SUMF1: variants seen among roughly 807,000 people sequenced by gnomAD.
The protein encoded by SUMF1 is sulfatase modifying factor 1.
In SUMF1, 48 loss-of-function variants were observed where a neutral mutation model predicts 47.6. The observed-to-expected ratio is 1.01, with a 90% CI of 0.80 to 1.28. The LOEUF (loss-of-function observed/expected upper bound fraction) is 1.28, where lower values mean the gene tolerates loss of function less well. Ranked by LOEUF, SUMF1 falls within the 50% of genes most tolerant of loss-of-function variation. The pLI, the probability that SUMF1 is intolerant of heterozygous loss-of-function variation, is 0.00. For synonymous variants in SUMF1, 230 were observed against 192.1 expected (o/e 1.20, Z -1.63); for missense variants, 571 against 485.4 (o/e 1.18, Z -1.66).
At chr3:4,420,175 T>C (rs780319336) in intron 3 of SUMF1, 29 bp from the exon 4 acceptor site, 2 of 1,582,472 alleles carry the variant, frequency 1.3e-6, no homozygotes, top group Non-Finnish European at 1.7e-6. Flanking sequence ...AGGCTGATGT[T>C]AGCTACTAAC....
At chr3:4,221,045 A>G (rs1202439246) in intron 8 of SUMF1, among the ~76,000 whole-genome samples, 2 of 152,154 alleles carry the variant, frequency 1.3e-5, no homozygotes, top group Admixed American at 6.6e-5. Context: ...GTCCAGTGCA[A>G]CTAGGTAAGG....
At chr3:4,204,927 G>A (rs1160238065) in intron 8 of SUMF1, among the ~76,000 whole-genome samples, 1 of 151,934 alleles carries the variant, frequency 6.6e-6, no homozygotes, top group African/African-American at 2.4e-5. Context: ...CCTCAAAACA[G>A]CTATTTTGAA....
chr3:4,134,112 G>A (rs572557407), intron 8 of SUMF1, among the ~76,000 whole-genome samples: 15 of 152,180 alleles, frequency 9.9e-5, no homozygotes, highest in South Asian at 2.1e-4. Context: ...TCTGCACCAC[G>A]CAGACCTAAT....
At chr3:4,063,986 A>G (rs1695323125) in intron 9 of SUMF1, among the ~76,000 whole-genome samples, 1 of 152,132 alleles carries the variant, frequency 6.6e-6, no homozygotes, top group South Asian at 2.1e-4. Context: ...TTGTCCCAAC[A>G]AGATACAATT....
intron 9 of SUMF1, among the ~76,000 whole-genome samples, chr3:4,037,676 T>C (rs1166665440): frequency 6.6e-6 from 1 of 152,196 alleles, no homozygotes; most frequent in Non-Finnish European, 1.5e-5. Context: ...ACTCAGCTGG[T>C]TAAGAACCCT....
chr3:4,189,687 T>TTGTCTCTG (rs1695274671), intron 8 of SUMF1, among the ~76,000 whole-genome samples: 1 of 138,564 alleles, frequency 7.2e-6, no homozygotes, highest in South Asian at 2.4e-4. Context: ...AGCCTCAAGA[T>TTGTCTCTG]TTTGAAGAAC....
intron 8 of SUMF1, among the ~76,000 whole-genome samples, chr3:4,354,032 T>G (rs928937663): frequency 6.6e-6 from 1 of 152,078 alleles, no homozygotes; most frequent in African/African-American, 2.4e-5. Context: ...TTTTTCTATT[T>G]TTTGTAGAGA....
intron 8 of SUMF1, among the ~76,000 whole-genome samples, chr3:4,282,542 C>T (rs1697550957): frequency 6.6e-6 from 1 of 152,118 alleles, no homozygotes; most frequent in Non-Finnish European, 1.5e-5. Flanking sequence ...GGGAAAAATC[C>T]TTATGGTAAC....
intron 8 of SUMF1, among the ~76,000 whole-genome samples, chr3:4,119,453 T>G (rs1693492022): frequency 6.6e-6 from 1 of 152,118 alleles, no homozygotes; most frequent in African/African-American, 2.4e-5. Context: ...ACACACTGGA[T>G]TCTTCACTGG....
chr3:4,335,970 A>AAAAAAC (rs1553558799), intron 8 of SUMF1, among the ~76,000 whole-genome samples: 4 of 149,498 alleles, frequency 2.7e-5, no homozygotes, highest in African/African-American at 9.9e-5. Flanking sequence ...CAAAAAAAAA[A>AAAAAAC]AAAAAAAAAA....
chr3:4,355,038 C>T (rs950941588), intron 8 of SUMF1, among the ~76,000 whole-genome samples: 12 of 152,142 alleles, frequency 7.9e-5, no homozygotes, highest in Admixed American at 2.6e-4. Flanking sequence ...TCTCTACCCA[C>T]GATGCTAAAC....
chr3:4,254,455 T>C (rs1696895720), intron 8 of SUMF1, among the ~76,000 whole-genome samples: 1 of 150,046 alleles, frequency 6.7e-6, no homozygotes, highest in Non-Finnish European at 1.5e-5. Context: ...GCTCGAGAAC[T>C]ACGTGAAGAA....
rs1701620977 is a variant in SUMF1 at position 4,413,803 on chromosome 3, A to G, written c.841-2825T>C. 2.0e-5 allele frequency among the ~76,000 whole-genome samples: 3 copies of G among 151,988 alleles called. No individual in the cohort carries two copies. The South Asian group carries it at 6.2e-4, about 32-fold the overall frequency. ...CACTTTGGGAGGCTGAGGAAAAAGG[A>G]TAGCTTGAGGACAGGAGTTCAAGAC... On this transcript the variant is annotated intron_variant, in intron 6 of 8. Transcript: ENST00000272902.
chr3:4,157,811 T>C (rs1435372545), intron 8 of SUMF1, among the ~76,000 whole-genome samples: 2 of 151,636 alleles, frequency 1.3e-5, no homozygotes, highest in African/African-American at 2.4e-5. Flanking sequence ...ACATAGGCTG[T>C]AGAAGTGACT....
intron 8 of SUMF1, among the ~76,000 whole-genome samples, chr3:4,206,444 G>C (rs572304826): frequency 5.9e-5 from 9 of 152,230 alleles, no homozygotes; most frequent in African/African-American, 1.9e-4. Flanking sequence ...TACTGCCTCT[G>C]TGGGCACCAG....
chr3:4,403,508 CAGA>C (rs1191382796), intron 7 of SUMF1, among the ~76,000 whole-genome samples: 1 of 152,032 alleles, frequency 6.6e-6, no homozygotes, highest in African/African-American at 2.4e-5. Context: ...CCAGGTGCAG[CAGA>C]AGAATGGGAA....
At chr3:4,090,951 C>T (rs1024433054) in intron 8 of SUMF1, among the ~76,000 whole-genome samples, 1 of 151,888 alleles carries the variant, frequency 6.6e-6, no homozygotes, top group Non-Finnish European at 1.5e-5. Flanking sequence ...TGTGGAGGCA[C>T]GCACCCATAA....
intron 3 of SUMF1, among the ~76,000 whole-genome samples, chr3:4,420,897 C>T (rs56021910): frequency 0.036 from 5,463 of 152,194 alleles, 173 homozygotes; most frequent in South Asian, 0.064. Context: ...CAAAAGACCC[C>T]GATTCAACTT....
At position 4,362,197 on chromosome 3, in the gene SUMF1, C is replaced by G. The variant is rs754347396; in HGVS notation, c.1072G>C (p.Ala358Pro). The G allele has an allele frequency of 6.2e-7, 1 of 1,614,208 alleles. No individual in the cohort carries two copies. The highest frequency in any genetic ancestry group is 1.1e-5 in the South Asian group (1 of 91,088). ...GCACAGCGGAATCCCAGATTCGAAG[C>G]AGAGCTATCAGGTGTGTTCTGGCTC... ...ARSQNTPDSS[A>P]SNLGFRCAAD... Residue 358 changes from alanine to proline, a missense_variant, in exon 9 of 9, where the codon GCT becomes CCT. Physicochemically the swap from Ala to Pro is conservative, Grantham distance 27. Transcript: ENST00000272902.
Sources: allele counts gnomAD v4.1 joint callset (sites outside exome capture counted in the v4.1 genomes callset), GRCh38; gene constraint gnomAD v4.1.1; transcripts MANE v1.5; gene names NCBI Gene and HGNC (gene_info 2026-07-23, HGNC 2026-07-21).